The following TTLL5 variants were observed in gnomAD, a reference collection of about 807,000 sequenced individuals.
TTLL5 encodes tubulin polyglutamylase TTLL5.
In TTLL5, 132 loss-of-function variants were observed where a neutral mutation model predicts 168.4. The ratio of observed to expected loss-of-function variants is 0.78; its 90% CI spans 0.68 to 0.91. The LOEUF is 0.91. Among genes scored for constraint, TTLL5 ranks in the 40% least tolerant of loss-of-function variants. TTLL5 has a pLI of 0.00. For missense variants in TTLL5, 1,545 were observed against 1,581.5 expected (o/e 0.98, Z 0.39); for synonymous variants, 546 against 558.6 (o/e 0.98, Z 0.32).
chr14:75,938,639 A>G (rs1012731906), intron 31 of TTLL5, among the ~76,000 whole-genome samples: 1 of 152,178 alleles, frequency 6.6e-6, no homozygotes, highest in Non-Finnish European at 1.5e-5. Flanking sequence ...TTTTATTCTC[A>G]TATTACAGAG....
intron 15 of TTLL5, among the ~76,000 whole-genome samples, chr14:75,739,906 C>T (rs957218677): frequency 5.3e-5 from 8 of 152,142 alleles, no homozygotes; most frequent in Non-Finnish European, 1.2e-4. Flanking sequence ...TTTTGATATT[C>T]ACCTGTTTGT....
intron 24 of TTLL5, among the ~76,000 whole-genome samples, chr14:75,780,540 A>G (rs979937791): frequency 1.3e-5 from 2 of 152,224 alleles, no homozygotes; most frequent in Non-Finnish European, 2.9e-5. Flanking sequence ...TAAAACCTAG[A>G]TGGAAGCCTA....
intron 9 of TTLL5, among the ~76,000 whole-genome samples, chr14:75,713,329 ATAG>A (rs1489370926): frequency 6.6e-6 from 1 of 152,252 alleles, no homozygotes; most frequent in East Asian, 1.9e-4. Flanking sequence ...AGTATTCAGT[ATAG>A]TACAATGCTG....
intron 30 of TTLL5, among the ~76,000 whole-genome samples, chr14:75,885,164 G>GATCAGAGAGTTCTCATGT (rs2032042509): frequency 6.8e-6 from 1 of 147,160 alleles, no homozygotes; most frequent in Admixed American, 6.9e-5. Context: ...GACAGAACAA[G>GATCAGAGAGTTCTCATGT]ACCCCGTCTC....
chr14:75,720,674 C>A lies in TTLL5; in HGVS notation c.1013C>A (p.Thr338Asn). 2 of 1,613,644 alleles carry A rather than the reference C, an allele frequency of 1.2e-6. No individual in the cohort carries two copies. The highest frequency in any genetic ancestry group is 1.7e-6 in the Non-Finnish European group (2 of 1,179,624). Residue 338 changes from threonine (T) to asparagine (N), a missense_variant, in exon 12 of 32, where the codon ACC becomes AAC. Transcript: ENST00000298832. ...AELAIATACKTFVPHRSSCFE... is the reference protein window; with the variant it reads ...AELAIATACKNFVPHRSSCFE... ...CTAGCTATTGCTACTGCCTGTAAAA[C>A]CTTTGTTCCTCATCGCAGCAGTTGT...
At chr14:75,880,120 TG>T (rs1323996734) in intron 29 of TTLL5, among the ~76,000 whole-genome samples, 3 of 152,140 alleles carry the variant, frequency 2.0e-5, no homozygotes, top group African/African-American at 7.2e-5. Flanking sequence ...CTTCCAGAAT[TG>T]TTCTGTGCAG....
chr14:75,678,040 C>A (rs1884317566), intron 3 of TTLL5, among the ~76,000 whole-genome samples: 1 of 152,210 alleles, frequency 6.6e-6, no homozygotes, highest in African/African-American at 2.4e-5. Flanking sequence ...GCAAGCACTG[C>A]AGAACATGCA....
intron 18 of TTLL5, among the ~76,000 whole-genome samples, chr14:75,760,678 A>C (rs1890580132): frequency 6.6e-6 from 1 of 152,238 alleles, no homozygotes; most frequent in African/African-American, 2.4e-5. Flanking sequence ...CAATGGTGAA[A>C]GGAAATTATT....
chr14:75,920,645 G>T (rs1296457653), intron 31 of TTLL5, among the ~76,000 whole-genome samples: 1 of 152,128 alleles, frequency 6.6e-6, no homozygotes, highest in Non-Finnish European at 1.5e-5. Context: ...ATCCAGTTCT[G>T]TCACTGATGG....
chr14:75,919,624 A>T (rs1040276587), intron 31 of TTLL5, among the ~76,000 whole-genome samples: 5 of 152,164 alleles, frequency 3.3e-5, no homozygotes, highest in South Asian at 2.1e-4. Flanking sequence ...ACAAATATTA[A>T]CCAAAAATTG....
At chr14:75,663,444 C>G (rs1485343364) in intron 2 of TTLL5, among the ~76,000 whole-genome samples, 1 of 152,146 alleles carries the variant, frequency 6.6e-6, no homozygotes, top group African/African-American at 2.4e-5. Context: ...AGATAAGGCT[C>G]TCTTTCTGGG....
chr14:75,943,095 C>T (rs1432163831), intron 31 of TTLL5, among the ~76,000 whole-genome samples: 3 of 151,946 alleles, frequency 2.0e-5, no homozygotes, highest in Non-Finnish European at 4.4e-5. Context: ...AAAAAAAAGG[C>T]GGTGTCGGGG....
chr14:75,917,095 C>T (rs866221443), intron 31 of TTLL5, among the ~76,000 whole-genome samples: 1 of 152,102 alleles, frequency 6.6e-6, no homozygotes, highest in African/African-American at 2.4e-5. Flanking sequence ...ATGCAGAGTT[C>T]TGGAGCTGAA....
intron 17 of TTLL5, among the ~76,000 whole-genome samples, chr14:75,750,211 T>A (rs1889861701): frequency 1.3e-5 from 2 of 152,090 alleles, no homozygotes; most frequent in East Asian, 3.8e-4. Context: ...GAGAGGTCCT[T>A]AGGCATACAG....
intron 7 of TTLL5, among the ~76,000 whole-genome samples, chr14:75,706,700 C>A (rs1340187064): frequency 4.6e-5 from 7 of 151,954 alleles, no homozygotes; most frequent in Non-Finnish European, 1.0e-4. Flanking sequence ...ATTTTCTTGG[C>A]AGGTAACTAT....
intron 15 of TTLL5, chr14:75,744,309 C>G (rs892294013): frequency 2.6e-5 from 4 of 152,310 alleles, no homozygotes; most frequent in Admixed American, 6.5e-5. Context: ...TTTATACTGA[C>G]TTCCTTTTTT....
intron 26 of TTLL5, among the ~76,000 whole-genome samples, chr14:75,788,751 G>GTA (rs1478511125): frequency 6.6e-6 from 1 of 152,084 alleles, no homozygotes; most frequent in Non-Finnish European, 1.5e-5. Context: ...AACTTATTCT[G>GTA]TATGGCTAGT....
intron 27 of TTLL5, among the ~76,000 whole-genome samples, chr14:75,817,962 C>G (rs934134040): frequency 6.6e-6 from 1 of 151,158 alleles, no homozygotes; most frequent in Non-Finnish European, 1.5e-5. Flanking sequence ...CTCAGCCTCC[C>G]GAGTAGCTGG....
chr14:75,863,665 A>G lies in TTLL5; in HGVS notation c.3327-2A>G. ...AAGAAACCTGCTTGCTTTTCTCTTC[A>G]GGAGCCTGCAGACAGGGGGATTTGC... On this transcript the variant is annotated splice_acceptor_variant, in intron 28 of 31. Transcript: ENST00000298832. LOFTEE classifies it high-confidence loss of function. 1.9e-6 allele frequency: 3 copies of G among 1,605,078 alleles called. No individual in the cohort carries two copies. The highest frequency in any genetic ancestry group is 2.6e-6 in the Non-Finnish European group (3 of 1,175,686).
Sources: allele counts gnomAD v4.1 joint callset (sites outside exome capture counted in the v4.1 genomes callset), GRCh38; gene constraint gnomAD v4.1.1; transcripts MANE v1.5; gene names NCBI Gene and HGNC (gene_info 2026-07-23, HGNC 2026-07-21).